The following AGTPBP1 variants were observed in gnomAD, a reference collection of about 807,000 sequenced individuals.
AGTPBP1 encodes cytosolic carboxypeptidase 1.
A neutral mutation model predicts 143.9 loss-of-function variants in AGTPBP1; 70 were observed. That is an observed-to-expected ratio of 0.49 (90% CI 0.40 to 0.59). The LOEUF (loss-of-function observed/expected upper bound fraction) is 0.59. Ranked by LOEUF, AGTPBP1 falls within the 20% of genes least tolerant of loss-of-function variation. The pLI, the probability that AGTPBP1 is intolerant of heterozygous loss-of-function variation, is 0.00. For synonymous variants in AGTPBP1, 463 were observed against 500.2 expected (o/e 0.93, Z 0.99); for missense variants, 1,229 against 1,464.5 (o/e 0.84, Z 2.62).
In AGTPBP1 at chr9:85,573,473, G is replaced by A. The variant is rs535909810; in HGVS notation, c.3503+1842C>T. On this transcript the variant is annotated intron_variant, in intron 25 of 25. Coordinates refer to ENST00000357081, the MANE Select transcript of AGTPBP1 (RefSeq NM_001330701.2). ...CCGCTACAACCTCCACCTCCCAGCC[G>A]CCTGCCTTGGTCTCCCAAAGTGCCG... 1.3e-4 allele frequency among the ~76,000 whole-genome samples: 20 copies of A among 152,284 alleles called. 1 individual carries two copies. The East Asian group carries it at 3.9e-3, about 30-fold the overall frequency.
At chr9:85,688,479 C>T (rs893165130) in intron 3 of AGTPBP1, among the ~76,000 whole-genome samples, 2 of 152,044 alleles carry the variant, frequency 1.3e-5, no homozygotes, top group South Asian at 4.1e-4. Context: ...GGGGCAGACA[C>T]AATCACTCCT....
chr9:85,552,339 G>A (rs1358034959), intron 25 of AGTPBP1, among the ~76,000 whole-genome samples: 3 of 152,138 alleles, frequency 2.0e-5, no homozygotes, highest in Admixed American at 6.5e-5. Flanking sequence ...CTCACATTAA[G>A]CTATTAAGTG....
intron 23 of AGTPBP1, 87 bp downstream of exon 23, chr9:85,585,376 T>C: frequency 8.1e-7 from 1 of 1,238,686 alleles, no homozygotes; most frequent in Non-Finnish European, 1.0e-6. Flanking sequence ...CAATATTTAT[T>C]GAATGTGAGT....
chr9:85,629,981 T>C (rs990419453), intron 14 of AGTPBP1, among the ~76,000 whole-genome samples: 1 of 152,318 alleles, frequency 6.6e-6, no homozygotes, highest in Admixed American at 6.5e-5. Context: ...ACCTCAAATA[T>C]TACAGGCTAG....
chr9:85,710,862 T>G (rs1447231093), intron 2 of AGTPBP1, among the ~76,000 whole-genome samples: 1 of 152,194 alleles, frequency 6.6e-6, no homozygotes. Flanking sequence ...ATTATTTGTT[T>G]GACCTGATGC....
At chr9:85,627,428 A>G (rs1334480674) in intron 14 of AGTPBP1, among the ~76,000 whole-genome samples, 1 of 152,184 alleles carries the variant, frequency 6.6e-6, no homozygotes, top group African/African-American at 2.4e-5. Context: ...CCAGTCTCAC[A>G]TTAGTGTTAC....
At chr9:85,572,490 G>A (rs1292020572) in intron 25 of AGTPBP1, among the ~76,000 whole-genome samples, 1 of 152,006 alleles carries the variant, frequency 6.6e-6, no homozygotes, top group Non-Finnish European at 1.5e-5. Flanking sequence ...AAAGGAAATC[G>A]ATTATATGGA....
chr9:85,620,533 T>C (rs542732913), intron 15 of AGTPBP1, among the ~76,000 whole-genome samples: 21 of 152,122 alleles, frequency 1.4e-4, no homozygotes, highest in Non-Finnish European at 2.2e-4. Context: ...TGAGGGCTAA[T>C]TGAATTTCTC....
intron 25 of AGTPBP1, among the ~76,000 whole-genome samples, chr9:85,562,200 T>C (rs566563061): frequency 1.4e-5 from 2 of 146,330 alleles, no homozygotes; most frequent in African/African-American, 5.1e-5. Context: ...CTAAAATCAA[T>C]CTAAAATCTA....
intron 24 of AGTPBP1, among the ~76,000 whole-genome samples, chr9:85,578,509 A>G (rs1828035440): frequency 6.6e-6 from 1 of 152,198 alleles, no homozygotes; most frequent in Non-Finnish European, 1.5e-5. Flanking sequence ...AAACCTAAAT[A>G]TAACAAACCT....
At chr9:85,786,422 C>T in the AGTPBP1 span, 2 of 1,613,952 alleles carry the variant, frequency 1.2e-6, no homozygotes, top group East Asian at 4.5e-5. Flanking sequence ...TGTGGGACGA[C>T]TTCATGGTGT....
chr9:85,651,826 T>C (rs1833181015), intron 11 of AGTPBP1, among the ~76,000 whole-genome samples: 1 of 152,212 alleles, frequency 6.6e-6, no homozygotes, highest in South Asian at 2.1e-4. Flanking sequence ...GATTCATTTA[T>C]TCAACAAACA....
chr9:85,674,478 C>A (rs1036808996), intron 6 of AGTPBP1, among the ~76,000 whole-genome samples: 2 of 151,810 alleles, frequency 1.3e-5, no homozygotes, highest in African/African-American at 2.4e-5. Context: ...GAAAGCATAA[C>A]AATACTCATC....
intron 24 of AGTPBP1, among the ~76,000 whole-genome samples, chr9:85,577,961 G>A (rs1174275082): frequency 6.6e-6 from 1 of 152,088 alleles, no homozygotes; most frequent in Non-Finnish European, 1.5e-5. Context: ...CCATCTTTAT[G>A]TGAGGTATAT....
intron 25 of AGTPBP1, among the ~76,000 whole-genome samples, chr9:85,549,726 G>C (rs547145620): frequency 6.6e-6 from 1 of 152,198 alleles, no homozygotes; most frequent in Non-Finnish European, 1.5e-5. Flanking sequence ...ATCAGGTGTT[G>C]ATGTGCACTT....
At chr9:85,668,966 CATGTGT>C (rs1203874657) in intron 8 of AGTPBP1, among the ~76,000 whole-genome samples, 15 of 67,608 alleles carry the variant, frequency 2.2e-4, no homozygotes, top group South Asian at 1.0e-3. Flanking sequence ...TACATACATA[CATGTGT>C]GTGTGTGTGT....
At chr9:85,776,109 A>G in the AGTPBP1 span, among the ~76,000 whole-genome samples, 1 of 152,238 alleles carries the variant, frequency 6.6e-6, no homozygotes, top group Admixed American at 6.5e-5. Context: ...TCGTACAACC[A>G]GAAATGCACC....
intron 8 of AGTPBP1, among the ~76,000 whole-genome samples, chr9:85,665,879 G>A (rs2134017090): frequency 6.6e-6 from 1 of 152,128 alleles, no homozygotes; most frequent in Middle Eastern, 3.4e-3. Context: ...TTATTTAAGA[G>A]TTATTTTTAG....
chr9:85,549,754 A>G (rs1209568257), intron 25 of AGTPBP1, among the ~76,000 whole-genome samples: 1 of 152,230 alleles, frequency 6.6e-6, no homozygotes, highest in Non-Finnish European at 1.5e-5. Context: ...AAAGTAGCAC[A>G]ACCTGGAAGG....
Sources: allele counts gnomAD v4.1 joint callset (sites outside exome capture counted in the v4.1 genomes callset), GRCh38; gene constraint gnomAD v4.1.1; transcripts MANE v1.5; gene names NCBI Gene and HGNC (gene_info 2026-07-23, HGNC 2026-07-21).